PACS2: variants seen among roughly 807,000 people sequenced by gnomAD.
The protein encoded by PACS2 is PACS1-like protein.
A neutral mutation model predicts 113.0 loss-of-function variants in PACS2; 36 were observed. The ratio of observed to expected loss-of-function variants is 0.32; its 90% CI spans 0.24 to 0.42. The LOEUF is 0.42. Ranked by LOEUF, PACS2 falls within the 10% of genes least tolerant of loss-of-function variation. The pLI is 1.00. For missense variants in PACS2, 1,015 were observed against 1,239.5 expected, an observed-to-expected ratio of 0.82 and a Z score of 2.72; for synonymous variants, 589 against 536.1, an observed-to-expected ratio of 1.10 and a Z score of -1.36.
chr14:105,351,860 T>TA (rs1180908304), intron 2 of PACS2, among the ~76,000 whole-genome samples: 9 of 151,798 alleles, frequency 5.9e-5, no homozygotes, highest in South Asian at 4.2e-4. Flanking sequence ...AAACAAAAAA[T>TA]AAAAAAATGC....
At chr14:105,392,130 TGA>T in intron 22 of PACS2, 2 of 348,070 alleles carry the variant, frequency 5.7e-6, no homozygotes, top group Non-Finnish European at 1.1e-5. Flanking sequence ...ATAGCTGTGC[TGA>T]GGCCCCGCTA....
At position 105,355,026 on chromosome 14, in the gene PACS2, G is replaced by T; in HGVS notation, c.298-26G>T. On this transcript the variant is annotated intron_variant, in intron 3 of 24. Coordinates refer to ENST00000447393, the MANE Select transcript of PACS2 (RefSeq NM_001100913.3). The surrounding 1 kb of genome is among the most constrained non-coding windows in gnomAD (Gnocchi z 4.1). ...TGCCTGGGGCCCCGGTGCACCCTCA[G>T]CTGCCACTCGCACTTGTGCCCACAG... 6.2e-7 allele frequency: 1 copy of T among 1,608,886 alleles called. No individual in the cohort carries two copies. The highest frequency in any genetic ancestry group is 2.2e-5 in the East Asian group (1 of 44,708).
chr14:105,364,505 G>A (rs2060876125), intron 4 of PACS2, among the ~76,000 whole-genome samples: 1 of 149,750 alleles, frequency 6.7e-6, no homozygotes, highest in Non-Finnish European at 1.5e-5. Context: ...GGTGCGCGGT[G>A]GGCGGTGGCC....
intron 1 of PACS2, among the ~76,000 whole-genome samples, chr14:105,319,134 G>A (rs1392790859): frequency 6.6e-6 from 1 of 151,214 alleles, no homozygotes; most frequent in African/African-American, 2.4e-5. Flanking sequence ...TTTTAGTAGA[G>A]ACAGGGTTTC....
At chr14:105,345,480 T>G (rs1555402438) in intron 1 of PACS2, among the ~76,000 whole-genome samples, 1 of 152,276 alleles carries the variant, frequency 6.6e-6, no homozygotes, top group East Asian at 1.9e-4. Flanking sequence ...CACTTAATGC[T>G]ATAAATTCTC....
rs375614356 is a variant in PACS2 at position 105,383,327 on chromosome 14, C to T, written c.1626-32C>T. The T allele has an allele frequency of 5.6e-6, 9 of 1,602,202 alleles. No individual in the cohort carries two copies. In the African/African-American group the frequency reaches 1.1e-4, roughly 19 times the overall value. On this transcript the variant is annotated intron_variant, in intron 15 of 24. Transcript: ENST00000447393. ...GGACGGCTCCCCTGAGGCGTCTGTCCCCTCTCCGTCCCACCTGCCTCTGGA... is the reference window on the plus strand; with the variant it reads ...GGACGGCTCCCCTGAGGCGTCTGTCTCCTCTCCGTCCCACCTGCCTCTGGA...
intron 4 of PACS2, among the ~76,000 whole-genome samples, chr14:105,360,192 CTGT>C (rs1327560201): frequency 2.6e-5 from 4 of 152,146 alleles, no homozygotes; most frequent in African/African-American, 7.2e-5. Context: ...GTACTGTAGT[CTGT>C]TAAGTGTGCA....
At chr14:105,359,209 C>T (rs587655129) in intron 4 of PACS2, among the ~76,000 whole-genome samples, 26 of 152,316 alleles carry the variant, frequency 1.7e-4, no homozygotes, top group African/African-American at 5.8e-4. Flanking sequence ...CCAGCTTGTC[C>T]AGAGCCACCT....
intron 6 of PACS2, 120 bp downstream of exon 6, chr14:105,368,267 C>T (rs1379770287): frequency 1.2e-6 from 1 of 834,400 alleles, no homozygotes; most frequent in Non-Finnish European, 1.9e-6. Context: ...CGGGCCTGGC[C>T]CCTGGTTGGC....
Position 105,367,262 on chromosome 14 carries a change from GCATCAAGGAGGCCCC to G in PACS2, c.475_489del (p.Ile159_Pro163del). 6.2e-7 allele frequency: 1 copy of G among 1,613,162 alleles called. No homozygotes were observed. On this transcript the variant is annotated inframe_deletion, in exon 5 of 25. Coordinates refer to ENST00000447393, the MANE Select transcript of PACS2 (RefSeq NM_001100913.3). The stretch of plus-strand genomic sequence containing the variant: ...GGCCAGGTGCTGAGCCTCTGCAGCA[GCATCAAGGAGGCCCC>G]CGTCAAGGCGGCCGAGATCTGGATC...
chr14:105,378,325 C>T (rs1391723640), intron 9 of PACS2, among the ~76,000 whole-genome samples: 2 of 152,232 alleles, frequency 1.3e-5, no homozygotes, highest in Admixed American at 6.5e-5. Context: ...AATGGGCACA[C>T]ACAGCAGCAA....
intron 1 of PACS2, among the ~76,000 whole-genome samples, chr14:105,347,522 G>A (rs1767697711): frequency 6.6e-6 from 1 of 152,200 alleles, no homozygotes; most frequent in Admixed American, 6.5e-5. Context: ...CCCAGGAGGT[G>A]GGTGCCACAA....
intron 21 of PACS2, 144 bp downstream of exon 21, chr14:105,391,393 C>CG (rs1249330502): frequency 4.3e-6 from 3 of 705,808 alleles, no homozygotes; most frequent in Admixed American, 2.3e-5. Context: ...TTCTGTCCTG[C>CG]GGGGGGTTCA....
intron 1 of PACS2, among the ~76,000 whole-genome samples, chr14:105,332,081 A>C (rs1384542050): frequency 1.3e-5 from 2 of 152,210 alleles, no homozygotes; most frequent in Non-Finnish European, 2.9e-5. Flanking sequence ...ATTTGTTATC[A>C]ACATTGCTTT....
In PACS2 at chr14:105,383,516, G is replaced by A. The variant is rs1555412741; in HGVS notation, c.1780+3G>A. On this transcript the variant is annotated splice_donor_region_variant and intron_variant, in intron 16 of 24. Coordinates refer to ENST00000447393, the MANE Select transcript of PACS2 (RefSeq NM_001100913.3). ...GCGCTTCCTGGTCATCCCACTGGGT[G>A]AGCACCACGCCGTCCACCTGGGCCT... The A allele has an allele frequency of 1.3e-6, 2 of 1,585,144 alleles. No homozygotes were observed. The highest frequency in any genetic ancestry group is 1.7e-5 in the Admixed American group (1 of 59,044).
intron 1 of PACS2, among the ~76,000 whole-genome samples, chr14:105,316,555 G>A (rs114330743): frequency 0.018 from 2,746 of 152,324 alleles, 84 homozygotes; most frequent in African/African-American, 0.061. Flanking sequence ...GCAGCTTCCT[G>A]GGGCCCTCCG....
At chr14:105,394,473 G>C (rs2081477503) in intron 24 of PACS2, 81 bp from the exon 25 acceptor site, 2 of 1,589,066 alleles carry the variant, frequency 1.3e-6, no homozygotes, top group Non-Finnish European at 1.7e-6. Flanking sequence ...CTGCCACCCA[G>C]CCTGGTGGGC....
In PACS2 at chr14:105,354,869, T is replaced by A. The variant is rs113952785; in HGVS notation, c.298-183T>A. On this transcript the variant is annotated intron_variant, in intron 3 of 24. Transcript: ENST00000447393. This position sits in a 1 kb window ranked among gnomAD's most constrained non-coding sequence, Gnocchi z 4.2. ...ACTCTTGATTGTGTTGGGTAAAGGA[T>A]GGGCTCTGGGGACCGGCATGCCACT... 0.016 allele frequency among the ~76,000 whole-genome samples: 2,441 copies of A among 152,312 alleles called. 67 individuals are homozygous for A. The highest frequency in any genetic ancestry group is 0.053 in the African/African-American group (2,216 of 41,564).
chr14:105,336,053 G>A (rs141724601), intron 1 of PACS2, among the ~76,000 whole-genome samples: 1 of 152,328 alleles, frequency 6.6e-6, no homozygotes, highest in East Asian at 1.9e-4. Flanking sequence ...CACGGAGCGT[G>A]TGTGGCCAGC....
Sources: allele counts gnomAD v4.1 joint callset (sites outside exome capture counted in the v4.1 genomes callset), GRCh38; gene constraint gnomAD v4.1.1; non-coding constraint Gnocchi (gnomAD v3.1); transcripts MANE v1.5; gene names NCBI Gene and HGNC (gene_info 2026-07-23, HGNC 2026-07-21).